WFDC1: variants seen among roughly 807,000 people sequenced by gnomAD.
WFDC1 encodes WAP four-disulfide core domain 1.
WFDC1 carries 39 observed loss-of-function variants against 32.9 expected under a neutral mutation model. That is an observed-to-expected ratio of 1.19 (90% confidence interval 0.92 to 1.55). WFDC1 has a LOEUF of 1.55. WFDC1 is among the 40% of genes most tolerant of loss of function. The pLI is 0.00. For synonymous variants in WFDC1, 184 were observed against 137.4 expected, an observed-to-expected ratio of 1.34 and a Z score of -2.37; for missense variants, 386 against 309.5, an observed-to-expected ratio of 1.25 and a Z score of -1.85.
intron 1 of WFDC1, among the ~76,000 whole-genome samples, chr16:84,303,741 G>T (rs1040604426): frequency 2.6e-5 from 4 of 152,186 alleles, no homozygotes; most frequent in African/African-American, 9.7e-5. Flanking sequence ...TATACTCAGA[G>T]TCATGCAACC....
intron 2 of WFDC1, among the ~76,000 whole-genome samples, chr16:84,315,180 C>G (rs7187675): frequency 1.3e-5 from 2 of 152,216 alleles, no homozygotes; most frequent in East Asian, 1.9e-4. Flanking sequence ...AATATCCTCC[C>G]CCAGACATCC....
chr16:84,324,524 T>C, intron 5 of WFDC1, 64 bp downstream of exon 5: 2 of 1,560,940 alleles, frequency 1.3e-6, no homozygotes, highest in Non-Finnish European at 1.7e-6. Context: ...AAGTTTCTTA[T>C]GTGAAGAAAA....
At chr16:84,328,156 G>C (rs1039168336) in intron 6 of WFDC1, 1 of 152,732 alleles carries the variant, frequency 6.5e-6, no homozygotes, top group African/African-American at 2.4e-5. Flanking sequence ...GGAGTTGGAA[G>C]AGTGAAAGTA....
intron 2 of WFDC1, chr16:84,317,991 T>A: frequency 2.9e-6 from 1 of 341,234 alleles, no homozygotes; most frequent in South Asian, 3.3e-5. Context: ...AGAGCCCCGA[T>A]TGGAGGGTGA....
rs1223338690 is a variant in WFDC1 at position 84,298,255 on chromosome 16, G to A, written c.144+3140G>A. 2.6e-5 allele frequency among the ~76,000 whole-genome samples: 4 copies of A among 151,888 alleles called. No individual in the cohort carries two copies. In the East Asian group the frequency reaches 5.8e-4, roughly 22 times the overall value. On this transcript the variant is annotated intron_variant, in intron 1 of 6. Coordinates refer to ENST00000219454, the MANE Select transcript of WFDC1 (RefSeq NM_021197.4). ...CCTGAGTAGTTGGGATTACAGGCAT[G>A]TACCACCACGCCTGGCTAATTTTTT...
chr16:84,306,034 TAATAATAATAATAAA>T (rs1379343713), intron 1 of WFDC1, among the ~76,000 whole-genome samples: 4 of 148,378 alleles, frequency 2.7e-5, no homozygotes, highest in South Asian at 2.2e-4. Flanking sequence ...ATAATAATAA[TAATAATAATAATAAA>T]AGGAATAAAA....
intron 3 of WFDC1, chr16:84,318,685 C>T (rs1908107794): frequency 7.8e-6 from 2 of 256,658 alleles, no homozygotes; most frequent in Non-Finnish European, 7.9e-6. Context: ...AATGATGAAG[C>T]CTCCCTGGGG....
intron 1 of WFDC1, among the ~76,000 whole-genome samples, chr16:84,299,121 G>A (rs563966035): frequency 1.6e-4 from 24 of 152,306 alleles, no homozygotes; most frequent in African/African-American, 5.3e-4. Flanking sequence ...AGCACTTTGG[G>A]AGGCCAAGGC....
Position 84,295,013 on chromosome 16 carries a change from G to T in WFDC1, c.42G>T (p.Gln14His). ...TGVGPGSCRR[Q>H]IIRALCLLLL... The stretch of plus-strand genomic sequence containing the variant: ...TGGGGCCGGGCAGCTGCAGGAGGCA[G>T]ATCATCCGGGCTCTGTGCCTCTTGC... The change falls in exon 1 of 7, where the codon CAG becomes CAT. Residue 14 changes from glutamine to histidine, a missense_variant. By Grantham distance (24) the Gln-to-His change is conservative. Coordinates refer to ENST00000219454, the MANE Select transcript of WFDC1 (RefSeq NM_021197.4). The T allele has an allele frequency of 6.2e-7, 1 of 1,614,180 alleles. No homozygotes were observed. Among genetic ancestry groups the T allele is most frequent in the Non-Finnish European group, 8.5e-7 (1 of 1,180,010 alleles).
At chr16:84,314,246 T>C (rs1486459861) in intron 2 of WFDC1, among the ~76,000 whole-genome samples, 1 of 151,618 alleles carries the variant, frequency 6.6e-6, no homozygotes, top group Non-Finnish European at 1.5e-5. Flanking sequence ...GAAGAGAAGG[T>C]TTGGGAAGGG....
Position 84,315,446 on chromosome 16 carries a change from G to T in WFDC1, c.337+2293G>T, listed in dbSNP as rs140470688. On this transcript the variant is annotated intron_variant, in intron 2 of 6. Coordinates refer to ENST00000219454, the MANE Select transcript of WFDC1 (RefSeq NM_021197.4). ...CTGCTGTAACCCCAGCATCTAAAAC[G>T]GTCTCTGGGCATATAATACTCAATA... 5.9e-5 allele frequency among the ~76,000 whole-genome samples: 9 copies of T among 152,284 alleles called. No individual in the cohort carries two copies. The East Asian group carries it at 9.6e-4, about 16-fold the overall frequency.
rs1163325839 is a variant in WFDC1 at position 84,326,928 on chromosome 16, G to A, written c.651G>A (p.Lys217=). Residue 217 remains lysine, a synonymous_variant, in exon 6 of 7, where the codon AAG becomes AAA. Coordinates refer to ENST00000219454, the MANE Select transcript of WFDC1 (RefSeq NM_021197.4). ...NVAEPGRGQQ[K]HFQ is the part of the protein sequence containing the mutation. The stretch of plus-strand genomic sequence containing the variant: ...CAGAACCTGGAAGGGGACAACAGAA[G>A]CACTTTCAGTAAAGCAACGGCAAGC... 1 of 1,614,066 alleles carries A rather than the reference G, an allele frequency of 6.2e-7. No homozygotes were observed. The highest frequency in any genetic ancestry group is 1.1e-5 in the South Asian group (1 of 91,072).
intron 2 of WFDC1, among the ~76,000 whole-genome samples, chr16:84,315,265 G>A (rs1485209056): frequency 6.6e-6 from 1 of 152,116 alleles, no homozygotes; most frequent in African/African-American, 2.4e-5. Flanking sequence ...CTCTCTCAAT[G>A]ACAGCCCCTC....
chr16:84,319,320 G>A (rs1908154229), intron 3 of WFDC1, 111 bp from the exon 4 acceptor site: 1 of 1,467,738 alleles, frequency 6.8e-7, no homozygotes, highest in Non-Finnish European at 9.1e-7. Context: ...CCGCCTCTCT[G>A]GGTGAGGTGC....
intron 6 of WFDC1, 58 bp downstream of exon 6, chr16:84,327,013 G>A: frequency 6.3e-7 from 1 of 1,577,710 alleles, no homozygotes; most frequent in Non-Finnish European, 8.7e-7. Context: ...CCAGTGTCCT[G>A]GCAGCTTTCA....
intron 1 of WFDC1, among the ~76,000 whole-genome samples, chr16:84,305,827 C>G (rs1907216073): frequency 6.6e-6 from 1 of 151,730 alleles, no homozygotes; most frequent in Non-Finnish European, 1.5e-5. Context: ...CAAGGCAAAA[C>G]CCCATCTCTA....
chr16:84,318,430 C>A, intron 3 of WFDC1, 75 bp downstream of exon 3: 1 of 1,453,432 alleles, frequency 6.9e-7, no homozygotes. Flanking sequence ...AGAAAGCTGG[C>A]AGCACCAGGC....
At chr16:84,325,269 C>A (rs990731221) in intron 5 of WFDC1, among the ~76,000 whole-genome samples, 1 of 149,076 alleles carries the variant, frequency 6.7e-6, no homozygotes, top group Non-Finnish European at 1.5e-5. Flanking sequence ...CTGGAGTAAT[C>A]TTGGCTCACT....
intron 1 of WFDC1, among the ~76,000 whole-genome samples, chr16:84,299,866 C>G (rs1419960806): frequency 1.3e-5 from 2 of 152,174 alleles, no homozygotes; most frequent in South Asian, 2.1e-4. Flanking sequence ...GCCACTTTCT[C>G]TTTCAAATGC....
Sources: gnomAD v4.1 joint callset for allele counts (sites outside exome capture counted in the v4.1 genomes callset) on GRCh38, gnomAD v4.1.1 for gene constraint, MANE v1.5 for transcripts, NCBI Gene and HGNC (gene_info 2026-07-23, HGNC 2026-07-21) for gene names.